The following DPH6 variants were observed in gnomAD, a reference collection of about 807,000 sequenced individuals.
The protein encoded by DPH6 is diphthamine biosynthesis 6.
In DPH6, 33 loss-of-function variants were observed where a neutral mutation model predicts 38.2. The ratio of observed to expected loss-of-function variants is 0.86; its 90% confidence interval spans 0.65 to 1.15. DPH6 has a LOEUF of 1.15. Among genes scored for constraint, DPH6 ranks in the 50% most tolerant of loss-of-function variants. The pLI, the probability that DPH6 is intolerant of heterozygous loss-of-function variation, is 0.00. For missense variants in DPH6, 325 were observed against 320.0 expected, an observed-to-expected ratio of 1.02 and a Z score of -0.12; for synonymous variants, 108 against 103.0, an observed-to-expected ratio of 1.05 and a Z score of -0.30.
chr15:35,180,104 TTAAA>T, the DPH6 span, among the ~76,000 whole-genome samples: 1 of 152,100 alleles, frequency 6.6e-6, no homozygotes, highest in Non-Finnish European at 1.5e-5. Context: ...ATTCATTAGC[TTAAA>T]TAGAGAGAGA....
intron 3 of DPH6, among the ~76,000 whole-genome samples, chr15:35,224,442 T>C (rs564353862): frequency 6.6e-6 from 1 of 152,298 alleles, no homozygotes; most frequent in South Asian, 2.1e-4. Flanking sequence ...GTTGGATGGA[T>C]GTACTAAAGT....
At chr15:35,165,764 A>T in the DPH6 span, among the ~76,000 whole-genome samples, 1 of 151,980 alleles carries the variant, frequency 6.6e-6, no homozygotes, top group Admixed American at 6.6e-5. Context: ...ACCGAAGTCT[A>T]CTTCGCCAGC....
At chr15:35,146,739 C>T in the DPH6 span, among the ~76,000 whole-genome samples, 1 of 152,130 alleles carries the variant, frequency 6.6e-6, no homozygotes, top group East Asian at 1.9e-4. Flanking sequence ...TGGGCATTGA[C>T]TTAGCCTGTA....
At chr15:35,511,467 C>T (rs999159204) in intron 3 of DPH6, among the ~76,000 whole-genome samples, 3 of 151,644 alleles carry the variant, frequency 2.0e-5, no homozygotes, top group African/African-American at 4.9e-5. Context: ...AAGTAGAATG[C>T]GAATGAGAGG....
the DPH6 span, among the ~76,000 whole-genome samples, chr15:35,164,195 G>A: frequency 3.3e-5 from 5 of 151,870 alleles, no homozygotes; most frequent in African/African-American, 1.2e-4. Context: ...TAATATATGG[G>A]TTGTTTGATT....
At chr15:35,191,599 T>C in the DPH6 span, among the ~76,000 whole-genome samples, 1 of 152,110 alleles carries the variant, frequency 6.6e-6, no homozygotes, top group Non-Finnish European at 1.5e-5. Context: ...TTCCTGACAC[T>C]CTCCCCACTG....
At chr15:35,305,712 C>T (rs2052085123) in intron 3 of DPH6, among the ~76,000 whole-genome samples, 1 of 152,094 alleles carries the variant, frequency 6.6e-6, no homozygotes, top group Non-Finnish European at 1.5e-5. Flanking sequence ...AGATCAGTTA[C>T]AATTTAGTAT....
At chr15:35,342,702 T>C (rs1338191624) in intron 3 of DPH6, among the ~76,000 whole-genome samples, 1 of 152,170 alleles carries the variant, frequency 6.6e-6, no homozygotes, top group African/African-American at 2.4e-5. Context: ...GTTTTCATAA[T>C]AAGAAGATTA....
chr15:35,296,235 G>A (rs2052013938), intron 3 of DPH6, among the ~76,000 whole-genome samples: 1 of 152,074 alleles, frequency 6.6e-6, no homozygotes, highest in Non-Finnish European at 1.5e-5. Flanking sequence ...CACCACGCCT[G>A]GCCTTACTAT....
intron 3 of DPH6, among the ~76,000 whole-genome samples, chr15:35,255,764 G>T (rs1482420641): frequency 6.6e-6 from 1 of 151,778 alleles, no homozygotes; most frequent in Non-Finnish European, 1.5e-5. Context: ...ATAACAAAAT[G>T]AGTTTATTAG....
chr15:35,467,729 C>T (rs8035123), intron 3 of DPH6, among the ~76,000 whole-genome samples: 137,176 of 152,188 alleles, frequency 0.9, 62,607 homozygotes, highest in Non-Finnish European at 0.98. Context: ...ATTCCTATAA[C>T]AACAAGGCCT....
intron 3 of DPH6, among the ~76,000 whole-genome samples, chr15:35,478,702 A>G (rs1482211803): frequency 6.6e-6 from 1 of 151,942 alleles, no homozygotes; most frequent in Admixed American, 6.6e-5. Flanking sequence ...TTAAGAAAGG[A>G]GATCATTTTT....
the DPH6 span, among the ~76,000 whole-genome samples, chr15:35,206,768 A>C: frequency 4.9e-4 from 74 of 152,324 alleles, no homozygotes; most frequent in African/African-American, 1.7e-3. Flanking sequence ...TAGAAACTAA[A>C]GGTATTAAAA....
Position 35,535,664 on chromosome 15 carries a change from AAGAAC to A in DPH6, c.312+2605_312+2609del, listed in dbSNP as rs200416672. ...AGTTATCCATTAAACTAAACTAGAT[AAGAAC>A]AGAAGTTACATTTTAACAGTAAAGA... On this transcript the variant is annotated intron_variant, in intron 3 of 8. Transcript: ENST00000256538. 7.4e-3 allele frequency among the ~76,000 whole-genome samples: 1,126 copies of A among 152,298 alleles called. 12 individuals carry two copies. The highest frequency in any genetic ancestry group is 0.012 in the Non-Finnish European group (831 of 68,004).
chr15:35,460,917 A>AAAG (rs2054058541), intron 3 of DPH6, among the ~76,000 whole-genome samples: 1 of 151,834 alleles, frequency 6.6e-6, no homozygotes, highest in Non-Finnish European at 1.5e-5. Context: ...AAAAAAAAAA[A>AAAG]AAAAGGTTCA....
intron 6 of DPH6, 85 bp downstream of exon 6, chr15:35,410,745 ATAAAG>A (rs150155381): frequency 0.019 from 20,048 of 1,083,402 alleles, 336 homozygotes; most frequent in African/African-American, 0.077. Context: ...TTTTACTAAA[ATAAAG>A]TAAATTTTTT....
At chr15:35,214,434 A>G (rs946538685), downstream of DPH6, among the ~76,000 whole-genome samples, 4 of 152,144 alleles carry the variant, frequency 2.6e-5, no homozygotes, top group Non-Finnish European at 5.9e-5. Flanking sequence ...TATGTTGCTC[A>G]GGCCCAAAAC....
intron 3 of DPH6, among the ~76,000 whole-genome samples, chr15:35,473,902 A>C (rs1211950059): frequency 6.6e-6 from 1 of 150,456 alleles, no homozygotes; most frequent in African/African-American, 2.5e-5. Flanking sequence ...AAGCGATAGA[A>C]CACTGTGCAC....
At position 35,447,620 on chromosome 15, in the gene DPH6, T is replaced by A. The variant is rs144071925; in HGVS notation, c.505+3065A>T. Among the ~76,000 whole-genome samples, 362 of 152,274 alleles carry A rather than the reference T, an allele frequency of 2.4e-3. 3 individuals carry two copies. The highest frequency in any genetic ancestry group is 8.5e-3 in the African/African-American group (352 of 41,556). ...TAAGAATCACAAGACACTTGGCTTG[T>A]GTTTATGGATAGGCCTTAATTTGCC... On this transcript the variant is annotated intron_variant, in intron 5 of 8. Transcript: ENST00000256538.
Sources: allele counts gnomAD v4.1 joint callset (sites outside exome capture counted in the v4.1 genomes callset), GRCh38; gene constraint gnomAD v4.1.1; transcripts MANE v1.5; gene names NCBI Gene and HGNC (gene_info 2026-07-23, HGNC 2026-07-21).